Variants in MED15 observed in about 807,000 individuals in gnomAD.
MED15 encodes the protein mediator of RNA polymerase II transcription subunit 15.
Under a neutral mutation model 118.7 loss-of-function variants are expected in MED15, and 41 were observed. The ratio of observed to expected loss-of-function variants is 0.35; its 90% CI spans 0.27 to 0.45. The LOEUF (loss-of-function observed/expected upper bound fraction) is 0.45. Among genes scored for constraint, MED15 ranks in the 20% least tolerant of loss-of-function variants. The probability of loss-of-function intolerance (pLI) is 1.00; values close to 1 mark genes in which losing one functional copy is unlikely to be tolerated. For missense variants in MED15, 740 were observed against 1,025.5 expected, an observed-to-expected ratio of 0.72 and a Z score of 3.80; for synonymous variants, 436 against 413.9, an observed-to-expected ratio of 1.05 and a Z score of -0.65.
chr22:20,518,879 G>T, intron 1 of MED15: 1 of 453,178 alleles, frequency 2.2e-6, no homozygotes, highest in South Asian at 1.6e-5. Context: ...ATTTGGCAGG[G>T]TCTCACTCTG....
chr22:20,549,707 C>T (rs954828512), intron 2 of MED15, among the ~76,000 whole-genome samples: 4 of 152,172 alleles, frequency 2.6e-5, no homozygotes, highest in Non-Finnish European at 5.9e-5. Context: ...TCACATCAGG[C>T]GTCCCCTCCC....
intron 2 of MED15, among the ~76,000 whole-genome samples, chr22:20,550,343 T>C (rs1270250789): frequency 6.6e-6 from 1 of 152,166 alleles, no homozygotes; most frequent in Admixed American, 6.5e-5. Context: ...CAGCTTTTCC[T>C]CTCCCCTGGG....
chr22:20,516,683 AT>A (rs35806369), intron 1 of MED15, among the ~76,000 whole-genome samples: 14,241 of 152,044 alleles, frequency 0.094, 1,458 homozygotes, highest in African/African-American at 0.26. Flanking sequence ...TGACCACGTG[AT>A]TATCTCCCTG....
chr22:20,560,787 CAG>C (rs1014153349), intron 5 of MED15, among the ~76,000 whole-genome samples: 1 of 152,158 alleles, frequency 6.6e-6, no homozygotes, highest in African/African-American at 2.4e-5. Flanking sequence ...CATTTTCTAA[CAG>C]GGAAAACTAA....
chr22:20,517,017 A>G (rs960176799), intron 1 of MED15, among the ~76,000 whole-genome samples: 16 of 151,574 alleles, frequency 1.1e-4, no homozygotes, highest in African/African-American at 3.6e-4. Flanking sequence ...ACTGCAGCCA[A>G]CTCCTGGGCT....
intron 6 of MED15, among the ~76,000 whole-genome samples, 169 bp from the exon 7 acceptor site, chr22:20,566,298 C>T (rs1356482082): frequency 6.6e-6 from 1 of 152,140 alleles, no homozygotes; most frequent in African/African-American, 2.4e-5. Flanking sequence ...CCTCGGCCTC[C>T]CAAAGTGCTG....
At chr22:20,562,427 C>G (rs910403720) in intron 5 of MED15, among the ~76,000 whole-genome samples, 1 of 152,134 alleles carries the variant, frequency 6.6e-6, no homozygotes, top group African/African-American at 2.4e-5. Context: ...CTCTGTCACC[C>G]AGGCTGGAGT....
intron 1 of MED15, among the ~76,000 whole-genome samples, chr22:20,516,725 G>A (rs1405288039): frequency 1.3e-5 from 2 of 152,198 alleles, no homozygotes; most frequent in African/African-American, 2.4e-5. Flanking sequence ...TGGGGTACTA[G>A]CCTCCTTTAA....
chr22:20,580,555 TAG>T (rs1273253437), intron 9 of MED15, among the ~76,000 whole-genome samples: 1 of 151,914 alleles, frequency 6.6e-6, no homozygotes, highest in Admixed American at 6.6e-5. Context: ...GGGGTGCAGG[TAG>T]AGAGTAGCAG....
At chr22:20,520,517 G>A (rs2054408414) in intron 1 of MED15, among the ~76,000 whole-genome samples, 2 of 152,350 alleles carry the variant, frequency 1.3e-5, no homozygotes, top group South Asian at 2.1e-4. Context: ...ACAGGGCAGG[G>A]TCCTGAGGCA....
Position 20,537,100 on chromosome 22 carries a change from C to T in MED15, c.69-17C>T, listed in dbSNP as rs752608762. On this transcript the variant is annotated splice_polypyrimidine_tract_variant and intron_variant, in intron 1 of 17. Coordinates refer to ENST00000263205, the MANE Select transcript of MED15 (RefSeq NM_001003891.3). The stretch of plus-strand genomic sequence containing the variant: ...TCACTGGTGTGTGCAAACGTCTCTT[C>T]TCCTTTTGTGTTTCAGCGAGGATGC... 2.5e-6 allele frequency: 4 copies of T among 1,611,924 alleles called. No individual in the cohort carries two copies. The highest frequency in any genetic ancestry group is 3.4e-6 in the Non-Finnish European group (4 of 1,178,494).
intron 1 of MED15, among the ~76,000 whole-genome samples, chr22:20,510,023 T>TTCG (rs2054008167): frequency 6.6e-6 from 1 of 152,172 alleles, no homozygotes; most frequent in Admixed American, 6.6e-5. Flanking sequence ...CTTTATTTTT[T>TTCG]TCGATATTGC....
chr22:20,553,901 A>G (rs922621902), intron 4 of MED15, among the ~76,000 whole-genome samples: 1 of 152,238 alleles, frequency 6.6e-6, no homozygotes, highest in Non-Finnish European at 1.5e-5. Flanking sequence ...CATATTTTTA[A>G]ATTTCAGCGT....
chr22:20,521,550 ATT>A (rs557681487), intron 1 of MED15, among the ~76,000 whole-genome samples: 13 of 130,584 alleles, frequency 1.0e-4, no homozygotes, highest in East Asian at 2.2e-4. Flanking sequence ...CACCCGGCTA[ATT>A]TTTTTTTTTT....
chr22:20,548,230 C>T (rs1029814217), intron 2 of MED15, among the ~76,000 whole-genome samples: 3 of 152,184 alleles, frequency 2.0e-5, no homozygotes, highest in East Asian at 1.9e-4. Context: ...GGCGTGATCG[C>T]GGCTCACTGC....
At chr22:20,555,467 C>G (rs1041051604) in intron 5 of MED15, among the ~76,000 whole-genome samples, 2 of 152,188 alleles carry the variant, frequency 1.3e-5, no homozygotes, top group African/African-American at 4.8e-5. Context: ...TTCTCAGCTA[C>G]AAGGCAGGGC....
intron 2 of MED15, among the ~76,000 whole-genome samples, chr22:20,542,972 GAA>G (rs1207520347): frequency 6.6e-6 from 1 of 152,070 alleles, no homozygotes; most frequent in Admixed American, 6.6e-5. Flanking sequence ...ATTCTCTACA[GAA>G]CACACTTTCC....
At chr22:20,558,951 C>G (rs1052686568) in intron 5 of MED15, among the ~76,000 whole-genome samples, 5 of 152,124 alleles carry the variant, frequency 3.3e-5, no homozygotes, top group African/African-American at 1.2e-4. Context: ...GCCCAGTGAC[C>G]ACACACACAG....
chr22:20,518,878 G>A (rs2054344328), intron 1 of MED15: 1 of 452,838 alleles, frequency 2.2e-6, no homozygotes, highest in Admixed American at 2.4e-5. Context: ...TATTTGGCAG[G>A]GTCTCACTCT....
Sources: allele counts gnomAD v4.1 joint callset (sites outside exome capture counted in the v4.1 genomes callset), GRCh38; gene constraint gnomAD v4.1.1; transcripts MANE v1.5; gene names NCBI Gene and HGNC (gene_info 2026-07-23, HGNC 2026-07-21).